The following DNAH5 variants were observed in gnomAD, a reference collection of about 807,000 sequenced individuals.
DNAH5 encodes axonemal beta dynein heavy chain 5.
A neutral mutation model predicts 518.2 loss-of-function variants in DNAH5; 372 were observed. That is an observed-to-expected ratio of 0.72 (90% confidence interval 0.66 to 0.78). DNAH5 has a LOEUF of 0.78. DNAH5 is among the 30% of genes least tolerant of loss of function. The pLI, the probability that DNAH5 is intolerant of heterozygous loss-of-function variation, is 0.00. For missense variants in DNAH5, 5,523 were observed against 5,687.0 expected (o/e 0.97, Z 0.93); for synonymous variants, 2,039 against 2,025.9 (o/e 1.01, Z -0.17).
At chr5:13,986,166 G>A (rs1312196508) in intron 1 of DNAH5, among the ~76,000 whole-genome samples, 2 of 152,206 alleles carry the variant, frequency 1.3e-5, no homozygotes, top group African/African-American at 4.8e-5. Flanking sequence ...GAGGGGATGA[G>A]GGGAAATGCA....
intron 61 of DNAH5, 107 bp downstream of exon 61, chr5:13,758,739 T>A: frequency 6.7e-7 from 1 of 1,493,626 alleles, no homozygotes; most frequent in South Asian, 1.1e-5. Context: ...TTATGTGCTA[T>A]GTATGTATTA....
chr5:13,839,596 AT>A (rs1764889675), intron 34 of DNAH5, 68 bp from the exon 35 acceptor site: 17 of 1,310,978 alleles, frequency 1.3e-5, no homozygotes, highest in Non-Finnish European at 1.9e-5. Context: ...CGTTATTAGC[AT>A]TCATGTAGAT....
intron 38 of DNAH5, among the ~76,000 whole-genome samples, chr5:13,827,622 A>G (rs1338577606): frequency 6.6e-6 from 1 of 151,252 alleles, no homozygotes; most frequent in Non-Finnish European, 1.5e-5. Context: ...GAATGAGTTA[A>G]GACTTTGAGG....
intron 65 of DNAH5, among the ~76,000 whole-genome samples, chr5:13,743,235 A>G (rs373380411): frequency 1.3e-5 from 2 of 152,092 alleles, no homozygotes; most frequent in South Asian, 2.1e-4. Flanking sequence ...AAAAGTAAAG[A>G]TTTGTGCTAA....
chr5:13,767,022 A>AT (rs5866065), intron 58 of DNAH5, among the ~76,000 whole-genome samples: 1 of 151,724 alleles, frequency 6.6e-6, no homozygotes, highest in Non-Finnish European at 1.5e-5. Flanking sequence ...AAAGTGAATG[A>AT]TTTTTTTCTC....
At chr5:13,886,221 G>T in intron 17 of DNAH5, 92 bp from the exon 18 acceptor site, 1 of 1,321,852 alleles carries the variant, frequency 7.6e-7, no homozygotes, top group Non-Finnish European at 1.0e-6. Flanking sequence ...CAATGCTGTG[G>T]CTCAGCCTCC....
chr5:13,828,050 G>T (rs572752925), intron 38 of DNAH5, among the ~76,000 whole-genome samples: 9 of 152,280 alleles, frequency 5.9e-5, no homozygotes. Flanking sequence ...GTCTTTATTA[G>T]CAGCATGAGA....
At chr5:13,827,180 G>T (rs188939879) in intron 38 of DNAH5, among the ~76,000 whole-genome samples, 1 of 152,268 alleles carries the variant, frequency 6.6e-6, no homozygotes, top group East Asian at 1.9e-4. Flanking sequence ...TCAAGAGGAA[G>T]CAGAGCATAA....
chr5:13,794,347 C>T (rs1757497496), intron 47 of DNAH5, among the ~76,000 whole-genome samples: 1 of 152,184 alleles, frequency 6.6e-6, no homozygotes, highest in Admixed American at 6.5e-5. Flanking sequence ...CTTTTGTCTT[C>T]TTCTGTTGGT....
At chr5:13,859,672 G>T (rs1370425280) in intron 29 of DNAH5, 67 bp from the exon 30 acceptor site, 3 of 1,518,390 alleles carry the variant, frequency 2.0e-6, no homozygotes, top group Middle Eastern at 1.7e-4. Context: ...AATTAAAAAG[G>T]TTTTTAAAAA....
At chr5:13,727,852 C>T (rs1320782431) in intron 69 of DNAH5, among the ~76,000 whole-genome samples, 196 bp from the exon 70 acceptor site, 1 of 152,144 alleles carries the variant, frequency 6.6e-6, no homozygotes, top group Admixed American at 6.5e-5. Context: ...TCAGTCTATA[C>T]TAACATCAGC....
chr5:13,836,226 G>C (rs1207431791), intron 35 of DNAH5, among the ~76,000 whole-genome samples: 1 of 152,182 alleles, frequency 6.6e-6, no homozygotes, highest in Non-Finnish European at 1.5e-5. Flanking sequence ...AACACGCTAA[G>C]GTTAAATATA....
chr5:14,010,129 T>G (rs908322850), intron 1 of DNAH5, among the ~76,000 whole-genome samples: 4 of 152,192 alleles, frequency 2.6e-5, no homozygotes, highest in African/African-American at 9.6e-5. Context: ...ATTTACTTTT[T>G]TCACTCATTA....
rs748011349 is a variant in DNAH5 at position 13,766,008 on chromosome 5, T to C, written c.10069A>G (p.Met3357Val). 5 of 1,614,202 alleles carry C rather than the reference T, an allele frequency of 3.1e-6. No homozygotes were observed. In the Admixed American group the frequency reaches 6.7e-5, roughly 22 times the overall value. Residue 3357 changes from methionine to valine, a missense_variant, in exon 59 of 79, where the codon ATG becomes GTG. Transcript: ENST00000265104. ...TTCTGTAAAAAGTTCCCTGCAGTCA[T>C]CAATTTTAAGGATTCCTGCCAGGAG... Reference protein sequence around the residue: ...MPSWQESLKLMTAGNFLQNLQ... With the variant: ...MPSWQESLKLVTAGNFLQNLQ...
chr5:13,989,548 A>G (rs1783354119), intron 1 of DNAH5, among the ~76,000 whole-genome samples: 1 of 143,976 alleles, frequency 6.9e-6, no homozygotes, highest in Admixed American at 7.2e-5. Context: ...CAGTGGCGCG[A>G]TCTCGGCTCA....
intron 12 of DNAH5, among the ~76,000 whole-genome samples, chr5:13,907,661 C>G (rs1279658999): frequency 5.9e-5 from 9 of 152,170 alleles, no homozygotes; most frequent in African/African-American, 2.2e-4. Flanking sequence ...TATTATGTAA[C>G]TATGACCCTC....
In DNAH5 at chr5:13,842,433, A is replaced by AAGAGAGAGAGAGAGAGAGAGAG. The variant is rs756093950; in HGVS notation, c.5272-530_5272-529insCTCTCTCTCTCTCTCTCTCTCT. On this transcript the variant is annotated intron_variant, in intron 32 of 78. Coordinates refer to ENST00000265104, the MANE Select transcript of DNAH5 (RefSeq NM_001369.3). ...GAAAGAAAAGAAAAGAAAAGAAAGAAAGAAAGAAAGAAAGAAAGAAAGAAA... is the reference window on the plus strand; with the variant it reads ...GAAAGAAAAGAAAAGAAAAGAAAGAAAGAGAGAGAGAGAGAGAGAGAGAGAAAGAAAGAAAGAAAGAAAGAAA... Among the ~76,000 whole-genome samples the AAGAGAGAGAGAGAGAGAGAGAG allele has an allele frequency of 5.0e-4, 31 of 61,922 alleles. 2 individuals are homozygous for AAGAGAGAGAGAGAGAGAGAGAG. Among genetic ancestry groups the AAGAGAGAGAGAGAGAGAGAGAG allele is most frequent in the East Asian group, 4.9e-3 (6 of 1,234 alleles). The allele number at this position is 61,922 out of a possible 152,430, so 40.6% of individuals were successfully genotyped here.
At chr5:13,740,309 C>A (rs1748269261) in intron 65 of DNAH5, among the ~76,000 whole-genome samples, 1 of 148,866 alleles carries the variant, frequency 6.7e-6, no homozygotes, top group Non-Finnish European at 1.5e-5. Context: ...CTACTCCCAG[C>A]CCAGCAGTCA....
chr5:13,900,215 A>G lies in DNAH5; in HGVS notation c.2250T>C (p.Ser750=), dbSNP rs1458551560. 6.2e-7 allele frequency: 1 copy of G among 1,613,350 alleles called. No individual in the cohort carries two copies. The highest frequency in any genetic ancestry group is 8.5e-7 in the Non-Finnish European group (1 of 1,179,262). Residue 750 remains serine, a synonymous_variant, in exon 15 of 79, where the codon AGT becomes AGC. Transcript: ENST00000265104. Reference sequence around the variant, plus strand: ...AATAAAAGTAGTATACCTTCATGTTACTGAAGTTCCTTTTGTATCTATCTC... The same window carrying G: ...AATAAAAGTAGTATACCTTCATGTTGCTGAAGTTCCTTTTGTATCTATCTC... ...QKRDRYKRNF[S]NMKMMLAEYQ...
Sources: allele counts gnomAD v4.1 joint callset (sites outside exome capture counted in the v4.1 genomes callset), GRCh38; gene constraint gnomAD v4.1.1; transcripts MANE v1.5; gene names NCBI Gene and HGNC (gene_info 2026-07-23, HGNC 2026-07-21).